VSX1: variants seen among roughly 807,000 people sequenced by gnomAD.
VSX1 encodes the protein homeodomain protein RINX.
VSX1 carries 23 observed loss-of-function variants against 23.6 expected under a neutral mutation model. The observed-to-expected ratio is 0.97, with a 90% CI of 0.70 to 1.38. The LOEUF is 1.38. VSX1 is among the 40% of genes most tolerant of loss of function. The pLI is 0.00. For synonymous variants in VSX1, 247 were observed against 215.1 expected, an observed-to-expected ratio of 1.15 and a Z score of -1.30; for missense variants, 517 against 495.4, an observed-to-expected ratio of 1.04 and a Z score of -0.41.
chr20:25,079,792 TTAAG>T (rs1409480294), intron 1 of VSX1, among the ~76,000 whole-genome samples: 48 of 152,200 alleles, frequency 3.2e-4, no homozygotes, highest in African/African-American at 1.1e-3. Context: ...CACCGAATGG[TTAAG>T]TAATTTGCCC....
rs372628156 is a variant in VSX1 at position 25,077,191 on chromosome 20, C to T, written c.808+494G>A. Among the ~76,000 whole-genome samples the T allele has an allele frequency of 7.9e-4, 120 of 152,276 alleles. 1 individual carries two copies. The highest frequency in any genetic ancestry group is 2.8e-3 in the African/African-American group (117 of 41,540). On this transcript the variant is annotated intron_variant, in intron 4 of 4. Coordinates refer to ENST00000376709, the MANE Select transcript of VSX1 (RefSeq NM_014588.6). ...GTGCTGGGTCTCAGCAGCGGAGACT[C>T]TTTGAGCACCAAAAATCTAAGGGAC... is the stretch of plus-strand genomic sequence containing the variant.
intron 3 of VSX1, among the ~76,000 whole-genome samples, chr20:25,078,151 C>A (rs2089551870): frequency 6.6e-6 from 1 of 151,740 alleles, no homozygotes; most frequent in Admixed American, 6.6e-5. Context: ...ATGAAAAAAA[C>A]TAAAGAATCA....
intron 1 of VSX1, chr20:25,081,396 A>G: frequency 1.4e-6 from 1 of 725,408 alleles, no homozygotes; most frequent in Non-Finnish European, 2.5e-6. Context: ...TGAAGACCCC[A>G]GGGTCTCATC....
At chr20:25,072,145 A>T (rs1389993555), downstream of VSX1, 4 of 577,152 alleles carry the variant, frequency 6.9e-6, no homozygotes, top group Non-Finnish European at 1.2e-5. Context: ...ACAGATGCAC[A>T]CAATTGTGAC....
At chr20:25,071,184 G>A, downstream of VSX1, 1 of 453,584 alleles carries the variant, frequency 2.2e-6, no homozygotes, top group South Asian at 1.6e-5. Flanking sequence ...AAAATTTCAG[G>A]CTGCAAACTC....
In VSX1 at chr20:25,078,918, C is replaced by T. The variant is rs748970283; in HGVS notation, c.538G>A (p.Glu180Lys). Reference sequence around the variant, plus strand: ...TAGTGGGCCTCGCTGAATGCCTTCTCCAACTCTTCCAGCTGGTGAGCAGTG... The same window carrying T: ...TAGTGGGCCTCGCTGAATGCCTTCTTCAACTCTTCCAGCTGGTGAGCAGTG... The part of the protein sequence containing the change: ...VFTAHQLEEL[E>K]KAFSEAHYPD... Residue 180 changes from glutamate to lysine, a missense_variant, in exon 3 of 5, where the codon GAG becomes AAG. Glu to Lys is a moderately conservative substitution (Grantham distance 56). Coordinates refer to ENST00000376709, the MANE Select transcript of VSX1 (RefSeq NM_014588.6). 42 of 1,614,036 alleles carry T rather than the reference C, an allele frequency of 2.6e-5. No individual in the cohort carries two copies. Among genetic ancestry groups the T allele is most frequent in the Non-Finnish European group, 3.6e-5 (42 of 1,180,032 alleles).
chr20:25,081,600 G>A (rs2089644129), intron 1 of VSX1, 73 bp downstream of exon 1: 16 of 1,545,998 alleles, frequency 1.0e-5, no homozygotes, highest in Middle Eastern at 2.1e-4. Context: ...GCGGTGGGGC[G>A]ATGGTCTGTG....
chr20:25,078,996 G>C (rs2089578042), intron 2 of VSX1, 44 bp from the exon 3 acceptor site: 3 of 1,611,770 alleles, frequency 1.9e-6, no homozygotes, highest in Non-Finnish European at 2.5e-6. Context: ...TGTCCCCTGG[G>C]GACAGCAGCC....
In VSX1 at chr20:25,076,379, T is replaced by G; in HGVS notation, c.980A>C (p.Asp327Ala). Residue 327 changes from aspartate to alanine, a missense_variant, in exon 5 of 5, where the codon GAC becomes GCC. Physicochemically the swap from Asp to Ala is moderately radical, Grantham distance 126. Transcript: ENST00000376709. ...CTCCTGCCGGGCAGAGCTGGAGAGG[T>G]CAATAGCCACATCTTCCAAGCCATT... Reference protein sequence around the residue: ...PENGLEDVAIDLSSSARQETK... With the variant: ...PENGLEDVAIALSSSARQETK... 1 of 1,613,826 alleles carries G rather than the reference T, an allele frequency of 6.2e-7. No homozygotes were observed. Among genetic ancestry groups the G allele is most frequent in the Non-Finnish European group, 8.5e-7 (1 of 1,179,954 alleles).
chr20:25,078,989 C>T (rs750487236), intron 2 of VSX1, 37 bp from the exon 3 acceptor site: 28 of 1,612,212 alleles, frequency 1.7e-5, no homozygotes, highest in East Asian at 4.5e-5. Flanking sequence ...GGGCACATGT[C>T]CCCTGGGGAC....
At chr20:25,073,429 T>C (rs6050299), downstream of VSX1, among the ~76,000 whole-genome samples, 44,521 of 152,066 alleles carry the variant, frequency 0.29, 7,505 homozygotes, top group African/African-American at 0.44. Flanking sequence ...TACTTTACCT[T>C]CTGCATAGGG....
chr20:25,077,554 G>T, intron 4 of VSX1, 131 bp downstream of exon 4: 2 of 1,072,964 alleles, frequency 1.9e-6, no homozygotes, highest in Non-Finnish European at 2.7e-6. Flanking sequence ...TAATAAGAAC[G>T]GTTCTGGACC....
chr20:25,080,566 T>C (rs1014010213), intron 1 of VSX1, among the ~76,000 whole-genome samples: 2 of 152,276 alleles, frequency 1.3e-5, no homozygotes, highest in African/African-American at 4.8e-5. Context: ...TTCATTTCAC[T>C]TTTAATGTGA....
intron 1 of VSX1, among the ~76,000 whole-genome samples, chr20:25,080,682 T>C (rs528160050): frequency 8.5e-4 from 130 of 152,328 alleles, no homozygotes; most frequent in African/African-American, 2.9e-3. Context: ...CTGCCTTTGG[T>C]TTTGTAAGAA....
Position 25,082,047 on chromosome 20 carries a change from AGCGCCCTGCTGCTAGT to A in VSX1, c.34_49del (p.Thr12TrpfsTer87), listed in dbSNP as rs2089663259. The A allele has an allele frequency of 2.6e-6, 4 of 1,538,166 alleles. No individual in the cohort carries two copies. The highest frequency in any genetic ancestry group is 3.5e-6 in the Non-Finnish European group (4 of 1,148,400). Reference sequence around the variant, plus strand: ...GCCCCTAGGGGAACCGCCAGGCACCAGCGCCCTGCTGCTAGTGCGCCCGTCGGAAAGCGAGTCCCGG... The same window carrying A: ...GCCCCTAGGGGAACCGCCAGGCACCAGCGCCCGTCGGAAAGCGAGTCCCGG... On this transcript the variant is annotated frameshift_variant, in exon 1 of 5. Coordinates refer to ENST00000376709, the MANE Select transcript of VSX1 (RefSeq NM_014588.6). LOFTEE classifies it high-confidence loss of function.
chr20:25,078,569 A>G, intron 3 of VSX1: 1 of 1,337,792 alleles, frequency 7.5e-7, no homozygotes, highest in Non-Finnish European at 9.6e-7. Flanking sequence ...TTTCATTGAC[A>G]TATCTTTATA....
In VSX1 at chr20:25,076,386, C is replaced by A. The variant is rs140989117; in HGVS notation, c.973G>T (p.Ala325Ser). The change falls in exon 5 of 5, where the codon GCT becomes TCT. Residue 325 changes from alanine to serine, a missense_variant. Transcript: ENST00000376709. ...VSPENGLEDVAIDLSSSARQE... is the reference protein window; with the variant it reads ...VSPENGLEDVSIDLSSSARQE... ...CGGGCAGAGCTGGAGAGGTCAATAG[C>A]CACATCTTCCAAGCCATTCTCAGGG... is the stretch of plus-strand genomic sequence containing the variant. 40 of 1,613,996 alleles carry A rather than the reference C, an allele frequency of 2.5e-5. No homozygotes were observed. In the African/African-American group the frequency reaches 5.1e-4, roughly 20 times the overall value.
Position 25,082,087 on chromosome 20 carries a change from G to C in VSX1, c.10C>G (p.Arg4Gly). Residue 4 changes from arginine (R) to glycine (G), a missense_variant, in exon 1 of 5, where the codon CGG (arginine) becomes GGG (glycine). Arg to Gly is a moderately radical substitution (Grantham distance 125). Transcript: ENST00000376709. MTG[R>G]DSLSDGRTSS... is the part of the protein sequence containing the mutation. ...GTGCGCCCGTCGGAAAGCGAGTCCC[G>C]GCCGGTCATGGTTCCTTAGCAAGCA... The C allele has an allele frequency of 6.5e-7, 1 of 1,537,684 alleles. No individual in the cohort carries two copies. Among genetic ancestry groups the C allele is most frequent in the Non-Finnish European group, 8.7e-7 (1 of 1,147,828 alleles).
intron 3 of VSX1, 155 bp downstream of exon 3, chr20:25,078,674 C>A (rs2089564595): frequency 6.3e-7 from 1 of 1,598,696 alleles, no homozygotes; most frequent in South Asian, 1.1e-5. Context: ...GTCATAGGGG[C>A]AAGCTCTTGT....
Sources: allele counts gnomAD v4.1 joint callset (sites outside exome capture counted in the v4.1 genomes callset), GRCh38; gene constraint gnomAD v4.1.1; transcripts MANE v1.5; gene names NCBI Gene and HGNC (gene_info 2026-07-23, HGNC 2026-07-21).